Variants in TFB1M observed in about 807,000 individuals in gnomAD.
TFB1M encodes the protein transcription factor B1, mitochondrial.
TFB1M carries 27 observed loss-of-function variants against 31.1 expected under a neutral mutation model. The ratio of observed to expected loss-of-function variants is 0.87; its 90% CI spans 0.64 to 1.20. The LOEUF (loss-of-function observed/expected upper bound fraction) is 1.20. Among genes scored for constraint, TFB1M ranks in the 50% most tolerant of loss-of-function variants. The probability of loss-of-function intolerance (pLI) is 0.00; values close to 1 mark genes in which losing one functional copy is unlikely to be tolerated. For synonymous variants in TFB1M, 166 were observed against 151.8 expected, an observed-to-expected ratio of 1.09 and a Z score of -0.69; for missense variants, 394 against 418.7, an observed-to-expected ratio of 0.94 and a Z score of 0.51.
At position 155,257,824 on chromosome 6, in the gene TFB1M, C is replaced by G. The variant is rs1471865321; in HGVS notation, c.*12G>C. 15 of 1,613,972 alleles carry G rather than the reference C, an allele frequency of 9.3e-6. No homozygotes were observed. The highest frequency in any genetic ancestry group is 1.3e-5 in the Non-Finnish European group (15 of 1,179,892). On this transcript the variant is annotated 3_prime_UTR_variant, in exon 7 of 7. Coordinates refer to ENST00000367166, the MANE Select transcript of TFB1M (RefSeq NM_016020.4). ...ATCGACATCTGGTAGGCTGCTCGCC[C>G]CCAGGCAGCAGCTAGAGTCTGTAAT... is the stretch of plus-strand genomic sequence containing the variant.
chr6:155,280,166 G>T (rs1262458656), intron 5 of TFB1M, among the ~76,000 whole-genome samples: 2 of 152,094 alleles, frequency 1.3e-5, no homozygotes, highest in Non-Finnish European at 2.9e-5. Context: ...CCAAGCAACT[G>T]CGGCAGAGAG....
At chr6:155,297,198 G>C (rs1777216098) in intron 3 of TFB1M, 94 bp from the exon 4 acceptor site, 2 of 1,317,820 alleles carry the variant, frequency 1.5e-6, no homozygotes, top group Non-Finnish European at 2.1e-6. Flanking sequence ...GATATTAATA[G>C]CATCAAAGAA....
At chr6:155,262,576 A>G (rs567716159) in intron 5 of TFB1M, among the ~76,000 whole-genome samples, 1 of 152,210 alleles carries the variant, frequency 6.6e-6, no homozygotes. Context: ...GCAGCCTGCT[A>G]GTCTCCAGAA....
chr6:155,279,540 A>C (rs142327056), intron 5 of TFB1M, among the ~76,000 whole-genome samples: 3 of 152,340 alleles, frequency 2.0e-5, no homozygotes, highest in Admixed American at 1.3e-4. Flanking sequence ...GTAGTTAGAC[A>C]GAAGTTCAGT....
chr6:155,245,241 A>C, the TFB1M span, among the ~76,000 whole-genome samples: 1 of 152,226 alleles, frequency 6.6e-6, no homozygotes, highest in Non-Finnish European at 1.5e-5. Flanking sequence ...TGTGGCAGGA[A>C]GCCCCTCCAA....
At chr6:155,305,994 A>T (rs1241508035) in intron 2 of TFB1M, among the ~76,000 whole-genome samples, 1 of 151,556 alleles carries the variant, frequency 6.6e-6, no homozygotes, top group Non-Finnish European at 1.5e-5. Flanking sequence ...GAACCATATA[A>T]ATATCTCTTA....
chr6:155,231,134 A>C, the TFB1M span, among the ~76,000 whole-genome samples: 6 of 151,934 alleles, frequency 3.9e-5, no homozygotes, highest in African/African-American at 1.5e-4. Context: ...GAGCCACTGC[A>C]CCCGGCCCTA....
chr6:155,312,979 G>C (rs780052801), intron 1 of TFB1M, among the ~76,000 whole-genome samples: 8 of 152,130 alleles, frequency 5.3e-5, no homozygotes, highest in Non-Finnish European at 1.0e-4. Context: ...TGGACATGGT[G>C]GCTCACACCT....
chr6:155,241,623 C>G, the TFB1M span, among the ~76,000 whole-genome samples: 1 of 152,148 alleles, frequency 6.6e-6, no homozygotes, highest in African/African-American at 2.4e-5. Context: ...TTGTTGATGT[C>G]GCTGTTTTAC....
chr6:155,288,616 G>A (rs324360), intron 4 of TFB1M, among the ~76,000 whole-genome samples: 87,374 of 152,086 alleles, frequency 0.57, 25,947 homozygotes, highest in East Asian at 0.84. Flanking sequence ...ATCCAGAAAC[G>A]TCAGGGGAAT....
At chr6:155,299,236 A>C (rs1214424129) in intron 2 of TFB1M, among the ~76,000 whole-genome samples, 1 of 152,232 alleles carries the variant, frequency 6.6e-6, no homozygotes, top group East Asian at 1.9e-4. Flanking sequence ...ATTTCCACGT[A>C]CTAATCATTT....
intron 6 of TFB1M, 34 bp from the exon 7 acceptor site, chr6:155,258,116 A>ATT (rs752590508): frequency 1.2e-6 from 2 of 1,613,074 alleles, no homozygotes; most frequent in Non-Finnish European, 8.5e-7. Context: ...AAAAATAAGA[A>ATT]TTTTACTTAA....
chr6:155,305,457 TTA>T lies in TFB1M; in HGVS notation c.285+5729_285+5730del, dbSNP rs1415027619. On this transcript the variant is annotated intron_variant, in intron 2 of 6. Coordinates refer to ENST00000367166, the MANE Select transcript of TFB1M (RefSeq NM_016020.4). ...TATAAATATATATTAAATTATATATTTATATATATAAATATATATTAAATTAT... is the reference window on the plus strand; with the variant it reads ...TATAAATATATATTAAATTATATATTTATATATAAATATATATTAAATTAT... Among the ~76,000 whole-genome samples the T allele has an allele frequency of 1.4e-4, 4 of 28,518 alleles. 1 individual carries two copies. Among genetic ancestry groups the T allele is most frequent in the African/African-American group, 5.3e-4 (3 of 5,664 alleles). 18.7% of individuals were successfully genotyped at this position (28,518 alleles called of 152,430 possible).
chr6:155,290,363 G>A (rs1279533260), intron 4 of TFB1M, among the ~76,000 whole-genome samples: 1 of 141,636 alleles, frequency 7.1e-6, no homozygotes, highest in African/African-American at 2.6e-5. Context: ...TCCAGCCTGG[G>A]TGACAGAGCG....
chr6:155,267,581 T>TA (rs1255014296), intron 5 of TFB1M, among the ~76,000 whole-genome samples: 4 of 152,192 alleles, frequency 2.6e-5, no homozygotes, highest in Admixed American at 6.5e-5. Context: ...AAACCAGTCT[T>TA]AGAGTCACAG....
the TFB1M span, chr6:155,245,543 C>A: frequency 8.7e-7 from 1 of 1,155,694 alleles, no homozygotes; most frequent in Non-Finnish European, 1.3e-6. Context: ...CTGACAGAAG[C>A]CATGGGGCCG....
intron 4 of TFB1M, among the ~76,000 whole-genome samples, chr6:155,286,221 C>T (rs561624480): frequency 3.3e-5 from 5 of 151,712 alleles, no homozygotes; most frequent in Non-Finnish European, 5.9e-5. Flanking sequence ...TTATCTCATG[C>T]CATAACCAAA....
At chr6:155,305,185 AAATTATATATTTAT>A (rs1306791616) in intron 2 of TFB1M, among the ~76,000 whole-genome samples, 101 of 84,748 alleles carry the variant, frequency 1.2e-3, no homozygotes, top group Non-Finnish European at 1.6e-3. Context: ...TATATATATT[AAATTATATATTTAT>A]ATATATATTA....
intron 4 of TFB1M, among the ~76,000 whole-genome samples, chr6:155,293,086 C>T (rs1777007734): frequency 6.6e-6 from 1 of 152,104 alleles, no homozygotes; most frequent in Non-Finnish European, 1.5e-5. Flanking sequence ...AATCCTCCCA[C>T]CTTAGCCTCC....
Sources: gnomAD v4.1 joint callset for allele counts (sites outside exome capture counted in the v4.1 genomes callset) on GRCh38, gnomAD v4.1.1 for gene constraint, MANE v1.5 for transcripts, NCBI Gene and HGNC (gene_info 2026-07-23, HGNC 2026-07-21) for gene names.